ZNF438: variants seen among roughly 807,000 people sequenced by gnomAD.
ZNF438 encodes the protein zinc finger protein 438.
ZNF438 carries 25 observed loss-of-function variants against 38.0 expected under a neutral mutation model. That is an observed-to-expected ratio of 0.66 (90% CI 0.48 to 0.92). The LOEUF (loss-of-function observed/expected upper bound fraction) is 0.92. Ranked by LOEUF, ZNF438 falls within the 40% of genes least tolerant of loss-of-function variation. ZNF438 has a pLI of 0.00. For synonymous variants in ZNF438, 372 were observed against 364.1 expected, an observed-to-expected ratio of 1.02 and a Z score of -0.25; for missense variants, 1,007 against 999.6, an observed-to-expected ratio of 1.01 and a Z score of -0.10.
chr10:31,002,747 A>C (rs2054779291), intron 1 of ZNF438, among the ~76,000 whole-genome samples: 1 of 152,146 alleles, frequency 6.6e-6, no homozygotes, highest in African/African-American at 2.4e-5. Flanking sequence ...AACAATACGG[A>C]GAAGAGAGCA....
At position 30,893,658 on chromosome 10, in the gene ZNF438, C is replaced by A. The variant is rs145645238; in HGVS notation, c.-32+15275G>T. Among the ~76,000 whole-genome samples the A allele has an allele frequency of 5.1e-4, 77 of 152,226 alleles. 2 individuals are homozygous for A. The East Asian group carries it at 0.012, about 24-fold the overall frequency. The stretch of plus-strand genomic sequence containing the variant: ...TATGTAAGATGAAATGGTGTCTTGA[C>A]TGAGGTGCTACCAGCTGAGGATATG... On this transcript the variant is annotated intron_variant, in intron 3 of 5. Coordinates refer to ENST00000413025, the Ensembl canonical transcript of ZNF438.
At chr10:30,991,903 T>G (rs938522353) in intron 1 of ZNF438, among the ~76,000 whole-genome samples, 1 of 152,144 alleles carries the variant, frequency 6.6e-6, no homozygotes, top group Admixed American at 6.5e-5. Flanking sequence ...AAGTATAACC[T>G]CTGATCAAAC....
In ZNF438 at chr10:30,986,769, A is replaced by G. The variant is rs946707120; in HGVS notation, c.-192+45064T>C. ...ACCCTTGAGGATTGTGTTGAGCATC[A>G]TGTTGGCACTCAAAAAGTTTAGGAT... On this transcript the variant is annotated intron_variant, in intron 1 of 5. Transcript: ENST00000413025. Among the ~76,000 whole-genome samples, 6 of 152,214 alleles carry G rather than the reference A, an allele frequency of 3.9e-5. No homozygotes were observed. In the East Asian group the frequency reaches 9.6e-4, roughly 24 times the overall value.
At chr10:30,980,286 A>G (rs2051973175) in intron 1 of ZNF438, among the ~76,000 whole-genome samples, 1 of 150,928 alleles carries the variant, frequency 6.6e-6, no homozygotes, top group Non-Finnish European at 1.5e-5. Context: ...TTTTACTCCT[A>G]TATGGAGGAC....
intron 4 of ZNF438, among the ~76,000 whole-genome samples, chr10:30,875,694 G>A (rs989366137): frequency 6.6e-6 from 1 of 152,170 alleles, no homozygotes. Context: ...GCTGGATTTT[G>A]TGTGAGTCTC....
chr10:30,867,707 G>A (rs2036694413), intron 4 of ZNF438, among the ~76,000 whole-genome samples: 1 of 152,154 alleles, frequency 6.6e-6, no homozygotes, highest in South Asian at 2.1e-4. Context: ...ATCACATCTA[G>A]AAATGTTTTA....
Position 30,959,582 on chromosome 10 carries a change from C to CAAA in ZNF438, c.-191-17934_-191-17932dup, listed in dbSNP as rs760298159. 2.0e-3 allele frequency among the ~76,000 whole-genome samples: 242 copies of CAAA among 123,166 alleles called. 8 individuals carry two copies. Among genetic ancestry groups the CAAA allele is most frequent in the Middle Eastern group, 9.3e-3 (2 of 216 alleles). The allele number at this position is 123,166 out of a possible 152,430, so 80.8% of individuals were successfully genotyped here. On this transcript the variant is annotated intron_variant, in intron 1 of 5. Coordinates refer to ENST00000413025, the Ensembl canonical transcript of ZNF438. ...TGAAACCCCGTCTCTACTAAAAATA[C>CAAA]AAAAAAAAAAAAAAAATTAGCCGGG...
intron 1 of ZNF438, among the ~76,000 whole-genome samples, chr10:31,017,592 TTG>T (rs1264577897): frequency 6.6e-6 from 1 of 152,238 alleles, no homozygotes; most frequent in Non-Finnish European, 1.5e-5. Context: ...GATATTAAGC[TTG>T]TCAACTCTCC....
chr10:30,960,316 T>C lies in ZNF438; in HGVS notation c.-191-18665A>G, dbSNP rs1265288185. 2.7e-5 allele frequency among the ~76,000 whole-genome samples: 4 copies of C among 147,254 alleles called. 1 individual carries two copies. Among genetic ancestry groups the C allele is most frequent in the Non-Finnish European group, 4.6e-5 (3 of 64,956 alleles). On this transcript the variant is annotated intron_variant, in intron 1 of 5. Transcript: ENST00000413025. ...CATCAATTTTTTATCTTATGGCTCATGCTTCTGGTGTCATACCTAACAACT... is the reference window on the plus strand; with the variant it reads ...CATCAATTTTTTATCTTATGGCTCACGCTTCTGGTGTCATACCTAACAACT...
At chr10:30,947,697 T>G (rs1043927937) in intron 1 of ZNF438, among the ~76,000 whole-genome samples, 4 of 152,234 alleles carry the variant, frequency 2.6e-5, no homozygotes, top group African/African-American at 4.8e-5. Flanking sequence ...TGTAGGACCC[T>G]CCGAGCCAGG....
chr10:30,877,504 A>AT (rs141729617), intron 3 of ZNF438, among the ~76,000 whole-genome samples: 2,456 of 152,384 alleles, frequency 0.016, 57 homozygotes, highest in African/African-American at 0.054. Context: ...TGTGAAGATT[A>AT]TGTAGCAACA....
chr10:30,996,809 CT>C (rs941277664), intron 1 of ZNF438, among the ~76,000 whole-genome samples: 33 of 152,096 alleles, frequency 2.2e-4, no homozygotes, highest in Admixed American at 7.2e-4. Context: ...CATAAACAAC[CT>C]TCAATAATTT....
exon 5 of ZNF438, chr10:30,850,042 A>C (rs1333624845): frequency 6.2e-7 from 1 of 1,614,080 alleles, no homozygotes; most frequent in Non-Finnish European, 8.5e-7. Flanking sequence ...GATATCTAGG[A>C]ATAGGAAGTT....
chr10:30,914,926 C>A (rs1589167495), intron 2 of ZNF438, among the ~76,000 whole-genome samples: 1 of 152,064 alleles, frequency 6.6e-6, no homozygotes, highest in East Asian at 1.9e-4. Context: ...GAAATGCCTA[C>A]TTTGGTACTT....
At chr10:30,919,497 C>G (rs965324132) in intron 2 of ZNF438, 1 of 152,222 alleles carries the variant, frequency 6.6e-6, no homozygotes, top group African/African-American at 2.4e-5. Flanking sequence ...CGGTGGCCAG[C>G]GCTGAACCTA....
intron 3 of ZNF438, among the ~76,000 whole-genome samples, chr10:30,883,036 G>C (rs1335606408): frequency 6.6e-6 from 1 of 151,986 alleles, no homozygotes; most frequent in African/African-American, 2.4e-5. Context: ...TAATATAAAA[G>C]AAATAACAAT....
intron 4 of ZNF438, among the ~76,000 whole-genome samples, chr10:30,858,162 G>C (rs1020683121): frequency 2.6e-5 from 4 of 152,224 alleles, no homozygotes; most frequent in Non-Finnish European, 5.9e-5. Flanking sequence ...AGGCTCACGA[G>C]GAAAGTTCTG....
At position 31,004,656 on chromosome 10, in the gene ZNF438, G is replaced by A. The variant is rs138987582; in HGVS notation, c.-192+27177C>T. On this transcript the variant is annotated intron_variant, in intron 1 of 5. Coordinates refer to ENST00000413025, the Ensembl canonical transcript of ZNF438. ...ATCATTAAAGTGAAAAAACTGGCAG[G>A]TAGTTGAGCTCATCCAGTTCTGAGA... 9.5e-4 allele frequency among the ~76,000 whole-genome samples: 145 copies of A among 152,288 alleles called. No homozygotes were observed. In the East Asian group the frequency reaches 0.012, roughly 13 times the overall value.
chr10:30,854,278 C>T (rs946717696), intron 4 of ZNF438, among the ~76,000 whole-genome samples: 40 of 152,264 alleles, frequency 2.6e-4, no homozygotes, highest in Middle Eastern at 3.4e-3. Context: ...AGCGCCACTG[C>T]ACTGCAGCCT....
Sources: gnomAD v4.1 joint callset for allele counts (sites outside exome capture counted in the v4.1 genomes callset) on GRCh38, gnomAD v4.1.1 for gene constraint, MANE v1.5 for transcripts, NCBI Gene and HGNC (gene_info 2026-07-23, HGNC 2026-07-21) for gene names.